The following HDAC9 variants were observed in gnomAD, a reference collection of about 807,000 sequenced individuals.
HDAC9 encodes the protein MEF-2 interacting transcription repressor (MITR) protein.
In HDAC9, 41 loss-of-function variants were observed where a neutral mutation model predicts 139.4. That is an observed-to-expected ratio of 0.29 (90% confidence interval 0.23 to 0.38). The LOEUF is 0.38. Ranked by LOEUF, HDAC9 falls within the 10% of genes least tolerant of loss-of-function variation. HDAC9 has a pLI of 1.00. For missense variants in HDAC9, 1,147 were observed against 1,297.0 expected (o/e 0.88, Z 1.78); for synonymous variants, 517 against 476.2 (o/e 1.09, Z -1.12).
intron 2 of HDAC9, among the ~76,000 whole-genome samples, chr7:18,550,157 T>G (rs1280600957): frequency 1.3e-5 from 2 of 152,172 alleles, no homozygotes; most frequent in Non-Finnish European, 2.9e-5. Context: ...TCTTTTTGTT[T>G]TTTAACAGAT....
chr7:18,408,576 T>C (rs1403939533), intron 1 of HDAC9, among the ~76,000 whole-genome samples: 1 of 152,198 alleles, frequency 6.6e-6, no homozygotes, highest in East Asian at 1.9e-4. Flanking sequence ...TAATTCCTTG[T>C]ATGACTAGCT....
chr7:18,118,136 C>T (rs1179917145), intron 1 of HDAC9, among the ~76,000 whole-genome samples: 1 of 152,158 alleles, frequency 6.6e-6, no homozygotes, highest in Non-Finnish European at 1.5e-5. Flanking sequence ...TGCATTCTTT[C>T]ATTTACTCCT....
chr7:18,823,784 G>A (rs1182297389), intron 17 of HDAC9, among the ~76,000 whole-genome samples: 3 of 151,920 alleles, frequency 2.0e-5, no homozygotes, highest in East Asian at 3.9e-4. Context: ...TTTGAGACCA[G>A]CCTGGGCAAC....
At chr7:18,420,561 G>T (rs929203816) in intron 1 of HDAC9, among the ~76,000 whole-genome samples, 2 of 152,224 alleles carry the variant, frequency 1.3e-5, no homozygotes, top group East Asian at 3.9e-4. Context: ...TCATGCTGCA[G>T]GGTAAGTAAA....
At chr7:18,856,592 A>G (rs1368229610) in intron 21 of HDAC9, among the ~76,000 whole-genome samples, 1 of 152,188 alleles carries the variant, frequency 6.6e-6, no homozygotes, top group South Asian at 2.1e-4. Flanking sequence ...GCAAATGTAC[A>G]TTATGAATGT....
chr7:18,369,274 A>T (rs927653909), intron 1 of HDAC9, among the ~76,000 whole-genome samples: 9 of 152,108 alleles, frequency 5.9e-5, no homozygotes, highest in African/African-American at 2.2e-4. Flanking sequence ...TATGGAAATA[A>T]TTGTTTTACA....
chr7:18,928,868 T>C (rs1585332079), intron 22 of HDAC9, among the ~76,000 whole-genome samples: 1 of 152,006 alleles, frequency 6.6e-6, no homozygotes, highest in African/African-American at 2.4e-5. Flanking sequence ...TTATATGATA[T>C]ATCACAACAT....
At chr7:18,451,928 T>C (rs943692014) in intron 1 of HDAC9, among the ~76,000 whole-genome samples, 1 of 152,128 alleles carries the variant, frequency 6.6e-6, no homozygotes, top group African/African-American at 2.4e-5. Flanking sequence ...CAATGTCACC[T>C]AAATCTGCCC....
chr7:18,308,620 G>A (rs546664509), intron 1 of HDAC9, among the ~76,000 whole-genome samples: 31 of 152,158 alleles, frequency 2.0e-4, no homozygotes, highest in African/African-American at 7.5e-4. Context: ...GACCTGGAAA[G>A]AATGTTCTAT....
intron 1 of HDAC9, among the ~76,000 whole-genome samples, chr7:18,428,274 CAG>C (rs1483849138): frequency 1.6e-4 from 24 of 152,042 alleles, no homozygotes; most frequent in Non-Finnish European, 1.2e-4. Context: ...TTTCCACTAA[CAG>C]TGTGCAACAA....
At chr7:18,513,719 T>G (rs1017543612) in intron 2 of HDAC9, among the ~76,000 whole-genome samples, 3 of 152,228 alleles carry the variant, frequency 2.0e-5, no homozygotes, top group African/African-American at 7.2e-5. Context: ...TTCTCTGGCA[T>G]CTGTAAGCTA....
chr7:18,928,826 TTTTA>T (rs67350427), intron 22 of HDAC9, among the ~76,000 whole-genome samples: 23,824 of 151,810 alleles, frequency 0.16, 2,332 homozygotes, highest in East Asian at 0.35. Context: ...TGATCATTTA[TTTTA>T]TTTATTTATC....
chr7:18,351,168 A>G (rs558793465), intron 1 of HDAC9, among the ~76,000 whole-genome samples: 110 of 152,308 alleles, frequency 7.2e-4, no homozygotes, highest in Non-Finnish European at 1.4e-3. Flanking sequence ...CAAAAACACT[A>G]AACAGTTGCT....
At chr7:18,902,340 G>A (rs1801805056) in intron 22 of HDAC9, among the ~76,000 whole-genome samples, 1 of 152,180 alleles carries the variant, frequency 6.6e-6, no homozygotes, top group African/African-American at 2.4e-5. Context: ...GTCCTTAGGA[G>A]AGTCATCATG....
At chr7:18,449,161 C>G (rs562430952) in intron 1 of HDAC9, among the ~76,000 whole-genome samples, 47 of 152,096 alleles carry the variant, frequency 3.1e-4, no homozygotes, top group African/African-American at 9.2e-4. Context: ...ATGTGTTTTC[C>G]AAAAGTACAT....
At chr7:18,738,244 A>C (rs1277401706) in intron 13 of HDAC9, among the ~76,000 whole-genome samples, 1 of 152,186 alleles carries the variant, frequency 6.6e-6, no homozygotes, top group Non-Finnish European at 1.5e-5. Context: ...TAATTGGGGC[A>C]GTTAGCCCAT....
At chr7:18,457,656 T>C (rs1002708868) in intron 1 of HDAC9, among the ~76,000 whole-genome samples, 2 of 152,194 alleles carry the variant, frequency 1.3e-5, no homozygotes, top group African/African-American at 4.8e-5. Flanking sequence ...ACGTCTGCTC[T>C]AATTAATTTT....
At chr7:18,917,459 C>T (rs1052797183) in intron 22 of HDAC9, among the ~76,000 whole-genome samples, 30 of 146,460 alleles carry the variant, frequency 2.0e-4, no homozygotes, top group Admixed American at 1.7e-3. Flanking sequence ...TGAAAAAAGA[C>T]AGTATCTGAT....
chr7:18,897,795 G>T (rs1585255413), intron 22 of HDAC9, among the ~76,000 whole-genome samples: 2 of 147,800 alleles, frequency 1.4e-5, no homozygotes, highest in Non-Finnish European at 1.5e-5. Flanking sequence ...CTATCTAATT[G>T]CTCTTTTAAA....
Sources: allele counts gnomAD v4.1 joint callset (sites outside exome capture counted in the v4.1 genomes callset), GRCh38; gene constraint gnomAD v4.1.1; transcripts MANE v1.5; gene names NCBI Gene and HGNC (gene_info 2026-07-23, HGNC 2026-07-21).